The following TMEM255B variants were observed in gnomAD, a reference collection of about 807,000 sequenced individuals.
The protein encoded by TMEM255B is family with sequence similarity 70, member B.
In TMEM255B, 35 loss-of-function variants were observed where a neutral mutation model predicts 34.5. That is an observed-to-expected ratio of 1.01 (90% CI 0.77 to 1.34). The LOEUF (loss-of-function observed/expected upper bound fraction) is 1.34. TMEM255B is among the 40% of genes most tolerant of loss of function. The probability of loss-of-function intolerance (pLI) is 0.00; values close to 1 mark genes in which losing one functional copy is unlikely to be tolerated. For synonymous variants in TMEM255B, 206 were observed against 201.2 expected (o/e 1.02, Z -0.20); for missense variants, 432 against 433.2 (o/e 1.00, Z 0.02).
At position 113,799,424 on chromosome 13, in the gene TMEM255B, G is replaced by A. The variant is rs2051001011; in HGVS notation, c.423+5G>A. The A allele has an allele frequency of 6.2e-7, 1 of 1,613,194 alleles. No individual in the cohort carries two copies. Among genetic ancestry groups the A allele is most frequent in the African/African-American group, 1.3e-5 (1 of 74,922 alleles). ...TACGATGTCTACCAGACAGAGGTGA[G>A]CAGGAGCACTGAGATTCATGTGGGT... On this transcript the variant is annotated splice_donor_5th_base_variant and intron_variant, in intron 5 of 8. Coordinates refer to ENST00000375353, the MANE Select transcript of TMEM255B (RefSeq NM_182614.4).
Position 113,799,379 on chromosome 13 carries a change from C to T in TMEM255B, c.383C>T (p.Ser128Phe). The T allele has an allele frequency of 1.2e-6, 2 of 1,614,140 alleles. No homozygotes were observed. Among genetic ancestry groups the T allele is most frequent in the Non-Finnish European group, 1.7e-6 (2 of 1,180,018 alleles). Residue 128 changes from serine to phenylalanine, a missense_variant, in exon 5 of 9, where the codon TCC (serine) becomes TTC (phenylalanine). By Grantham distance (155) the Ser-to-Phe change is radical (BLOSUM62 -2). Transcript: ENST00000375353. Reference protein sequence around the residue: ...PLTTGRCQFYSSGVGYLYDVY... With the variant: ...PLTTGRCQFYFSGVGYLYDVY... Reference sequence around the variant, plus strand: ...ACCACGGGAAGATGCCAGTTTTACTCCAGTGGGGTGGGGTACTTGTACGAT... The same window carrying T: ...ACCACGGGAAGATGCCAGTTTTACTTCAGTGGGGTGGGGTACTTGTACGAT...
In TMEM255B at chr13:113,816,430, C is replaced by G. The variant is rs186881003; in HGVS notation, c.*4527C>G. On this transcript the variant is annotated 3_prime_UTR_variant, in exon 9 of 9. Coordinates refer to ENST00000375353, the MANE Select transcript of TMEM255B (RefSeq NM_182614.4). The stretch of plus-strand genomic sequence containing the variant: ...CTGCACTCATGAGGCGTGGCTATTG[C>G]TGTGTGAATCACATCTCCATGGAAA... 1 of 154,492 alleles carries G rather than the reference C, an allele frequency of 6.5e-6. No individual in the cohort carries two copies. Among genetic ancestry groups the G allele is most frequent in the East Asian group, 1.9e-4 (1 of 5,190 alleles). The allele number at this position is 154,492 out of a possible 1,614,324, so 9.6% of individuals were successfully genotyped here. A position where few individuals can be genotyped will look rare whatever the true frequency, so the allele number is the denominator to read the frequency against.
At position 113,800,934 on chromosome 13, in the gene TMEM255B, C is replaced by T. The variant is rs41284485; in HGVS notation, c.509+22C>T. On this transcript the variant is annotated intron_variant, in intron 6 of 8. Coordinates refer to ENST00000375353, the MANE Select transcript of TMEM255B (RefSeq NM_182614.4). Reference sequence around the variant, plus strand: ...GGAGGTGAGGGGCACCGGGGACCCCCATATCTACACCTGCGGGAGGTGAGG... The same window carrying T: ...GGAGGTGAGGGGCACCGGGGACCCCTATATCTACACCTGCGGGAGGTGAGG... 1,817 of 1,175,868 alleles carry T rather than the reference C, an allele frequency of 1.5e-3. 2 individuals carry two copies. Among genetic ancestry groups the T allele is most frequent in the African/African-American group, 3.1e-3 (92 of 30,014 alleles). The allele number at this position is 1,175,868 out of a possible 1,614,324, so 72.8% of individuals were successfully genotyped here.
At position 113,811,964 on chromosome 13, in the gene TMEM255B, A is replaced by G. The variant is rs2051322150; in HGVS notation, c.*61A>G. On this transcript the variant is annotated 3_prime_UTR_variant, in exon 9 of 9. Coordinates refer to ENST00000375353, the MANE Select transcript of TMEM255B (RefSeq NM_182614.4). ...TTTTTTTAAAAAAAAGGCAGCCTCTAGAAATCCCGCTTCTGTGGCCAACCT... is the reference window on the plus strand; with the variant it reads ...TTTTTTTAAAAAAAAGGCAGCCTCTGGAAATCCCGCTTCTGTGGCCAACCT... The G allele has an allele frequency of 1.6e-5, 24 of 1,521,958 alleles. No individual in the cohort carries two copies. Among genetic ancestry groups the G allele is most frequent in the Non-Finnish European group, 2.1e-5 (24 of 1,137,158 alleles). 94.3% of individuals were successfully genotyped at this position (1,521,958 alleles called of 1,614,324 possible). A position where few individuals can be genotyped will look rare whatever the true frequency, so the allele number is the denominator to read the frequency against.
chr13:113,805,061 C>T (rs568312717), intron 8 of TMEM255B, 33 bp downstream of exon 8: 14 of 1,568,520 alleles, frequency 8.9e-6, no homozygotes, highest in South Asian at 4.6e-5. Context: ...GAGTTGGACG[C>T]GCTGGTCACA....
At chr13:113,761,358 G>C in intron 1 of TMEM255B, 2 of 985,360 alleles carry the variant, frequency 2.0e-6, no homozygotes, top group African/African-American at 3.5e-5. Flanking sequence ...GTAGGACCTG[G>C]CGTGGGCACA....
chr13:113,795,069 G>A (rs955718208), intron 3 of TMEM255B, 79 bp from the exon 4 acceptor site: 2 of 1,352,040 alleles, frequency 1.5e-6, no homozygotes, highest in Non-Finnish European at 2.1e-6. Flanking sequence ...CCGACCTCGA[G>A]CTGGGACTTT....
At chr13:113,777,716 AG>A (rs1341117397) in intron 3 of TMEM255B, among the ~76,000 whole-genome samples, 3 of 152,058 alleles carry the variant, frequency 2.0e-5, no homozygotes, top group African/African-American at 7.2e-5. Flanking sequence ...TGTCCTAAGG[AG>A]GGGGATGAGC....
intron 3 of TMEM255B, among the ~76,000 whole-genome samples, chr13:113,778,760 C>A (rs191592735): frequency 1.8e-4 from 28 of 152,344 alleles, no homozygotes; most frequent in Non-Finnish European, 2.8e-4. Flanking sequence ...GGATTTCACT[C>A]AACTGCCTCA....
At chr13:113,778,470 G>A (rs1006142276) in intron 3 of TMEM255B, among the ~76,000 whole-genome samples, 37 of 150,048 alleles carry the variant, frequency 2.5e-4, no homozygotes, top group African/African-American at 8.3e-4. Context: ...GGTGAGTCCC[G>A]ATTTCATCTG....
At chr13:113,779,816 A>G (rs1259078809) in intron 3 of TMEM255B, among the ~76,000 whole-genome samples, 1 of 152,238 alleles carries the variant, frequency 6.6e-6, no homozygotes, top group East Asian at 1.9e-4. Context: ...AATAATAACA[A>G]TTGAAAAACA....
chr13:113,799,679 G>A, intron 5 of TMEM255B: 1 of 676,866 alleles, frequency 1.5e-6, no homozygotes, highest in Admixed American at 2.1e-5. Flanking sequence ...GTCCAGTTCT[G>A]TATGGCTCTT....
At chr13:113,785,844 G>A (rs950001201) in intron 3 of TMEM255B, among the ~76,000 whole-genome samples, 2 of 152,108 alleles carry the variant, frequency 1.3e-5, no homozygotes, top group East Asian at 1.9e-4. Flanking sequence ...GTGGCTTGAC[G>A]TACTCACACA....
chr13:113,803,946 C>CA (rs1391832981), intron 7 of TMEM255B, among the ~76,000 whole-genome samples: 1 of 152,282 alleles, frequency 6.6e-6, no homozygotes, highest in African/African-American at 2.4e-5. Context: ...CCCGGGTCGT[C>CA]ACCGTGGCCA....
intron 5 of TMEM255B, among the ~76,000 whole-genome samples, chr13:113,800,387 G>A (rs912780166): frequency 6.6e-6 from 1 of 151,172 alleles, no homozygotes; most frequent in Non-Finnish European, 1.5e-5. Context: ...GTCACACAGA[G>A]GTGGCAGGTG....
intron 5 of TMEM255B, among the ~76,000 whole-genome samples, chr13:113,800,301 CTGTGTGTGTGTGTGTGTG>C (rs1220505809): frequency 1.0e-5 from 1 of 97,052 alleles, no homozygotes; most frequent in Non-Finnish European, 2.0e-5. Flanking sequence ...GAGGCGTCCT[CTGTGTGTGTGTGTGTGTG>C]TGTGTGTGTG....
intron 8 of TMEM255B, among the ~76,000 whole-genome samples, chr13:113,805,353 A>C (rs1198783213): frequency 6.6e-6 from 1 of 152,230 alleles, no homozygotes; most frequent in East Asian, 1.9e-4. Flanking sequence ...GCTGGTGGAC[A>C]TCCTGTGGGC....
Position 113,804,881 on chromosome 13 carries a change from G to A in TMEM255B, c.670-4G>A. The A allele has an allele frequency of 1.3e-6, 2 of 1,597,132 alleles. No individual in the cohort carries two copies. The highest frequency in any genetic ancestry group is 8.5e-7 in the Non-Finnish European group (1 of 1,177,564). On this transcript the variant is annotated splice_polypyrimidine_tract_variant and splice_region_variant and intron_variant, in intron 7 of 8. Transcript: ENST00000375353. ...GCCGACCACCCGTCTCCTCTCCATGGCAGGTGCCTCTGTCCCAGCTGGCCT... is the reference window on the plus strand; with the variant it reads ...GCCGACCACCCGTCTCCTCTCCATGACAGGTGCCTCTGTCCCAGCTGGCCT...
intron 3 of TMEM255B, among the ~76,000 whole-genome samples, chr13:113,771,819 C>G (rs1175460397): frequency 6.6e-6 from 1 of 152,170 alleles, no homozygotes; most frequent in Non-Finnish European, 1.5e-5. Flanking sequence ...AACATTTGTA[C>G]ATAGGTTTCT....
Sources: allele counts gnomAD v4.1 joint callset (sites outside exome capture counted in the v4.1 genomes callset), GRCh38; gene constraint gnomAD v4.1.1; transcripts MANE v1.5; gene names NCBI Gene and HGNC (gene_info 2026-07-23, HGNC 2026-07-21).